The following NEB variants were observed in gnomAD, a reference collection of about 807,000 sequenced individuals.
NEB encodes the protein nemaline myopathy type 2.
Under a neutral mutation model 952.2 loss-of-function variants are expected in NEB, and 512 were observed. That is an observed-to-expected ratio of 0.54 (90% CI 0.50 to 0.58). NEB has a LOEUF of 0.58. NEB is among the 20% of genes least tolerant of loss of function. The probability of loss-of-function intolerance (pLI) is 0.00; values close to 1 mark genes in which losing one functional copy is unlikely to be tolerated. For missense variants in NEB, 8,428 were observed against 9,231.1 expected, an observed-to-expected ratio of 0.91 and a Z score of 3.56; for synonymous variants, 2,900 against 3,149.8, an observed-to-expected ratio of 0.92 and a Z score of 2.66.
chr2:151,728,256 T>C (rs1166157822), intron 4 of NEB, among the ~76,000 whole-genome samples: 1 of 152,204 alleles, frequency 6.6e-6, no homozygotes, highest in Non-Finnish European at 1.5e-5. Flanking sequence ...AATCTTAAGT[T>C]GCCTGGGTAA....
At position 151,566,726 on chromosome 2, in the gene NEB, A is replaced by G. The variant is rs1358679175; in HGVS notation, c.18156+442T>C. 2.6e-5 allele frequency among the ~76,000 whole-genome samples: 4 copies of G among 152,178 alleles called. No individual in the cohort carries two copies. The South Asian group carries it at 6.2e-4, about 24-fold the overall frequency. On this transcript the variant is annotated intron_variant, in intron 114 of 181. Coordinates refer to ENST00000397345, the MANE Select transcript of NEB (RefSeq NM_001164508.2). ...TTTGTTTCTCTTTTGCTTTGCGAAC[A>G]ACTTCATAAATGCCGTGAGGAATGA...
chr2:151,564,894 G>A (rs958138804), intron 117 of NEB, 150 bp downstream of exon 117: 6 of 513,812 alleles, frequency 1.2e-5, no homozygotes, highest in Middle Eastern at 1.0e-3. Context: ...GAATAACATG[G>A]TACTTCTAAT....
At chr2:151,491,140 C>G (rs1268532219) in intron 179 of NEB, 1 of 154,004 alleles carries the variant, frequency 6.5e-6, no homozygotes, top group African/African-American at 2.4e-5. Context: ...AAGCTATCCT[C>G]CCACTTCAGC....
intron 162 of NEB, among the ~76,000 whole-genome samples, chr2:151,507,547 C>T (rs1193823960): frequency 6.6e-6 from 1 of 152,216 alleles, no homozygotes; most frequent in Non-Finnish European, 1.5e-5. Flanking sequence ...AGAATCTGAA[C>T]AAACAGCCAT....
chr2:151,616,497 C>T lies in NEB; in HGVS notation c.11182-388G>A, dbSNP rs542721837. On this transcript the variant is annotated intron_variant, in intron 75 of 181. Transcript: ENST00000397345. ...TGAGGTCATGAGTTTGAGAAGAGAC[C>T]AGCCTGGCCAACATGGTGAAATCCC... 2.6e-5 allele frequency among the ~76,000 whole-genome samples: 4 copies of T among 152,200 alleles called. No homozygotes were observed. The East Asian group carries it at 7.7e-4, about 29-fold the overall frequency.
At chr2:151,532,002 C>T (rs190360492) in intron 143 of NEB, 106 bp from the exon 144 acceptor site, 5 of 659,736 alleles carry the variant, frequency 7.6e-6, no homozygotes, top group Admixed American at 2.9e-5. Flanking sequence ...ATCTAGCTTT[C>T]TCTTTAATTC....
Position 151,690,759 on chromosome 2 carries a change from GCAA to G in NEB, c.2275_2277del (p.Leu759del). 1 of 1,598,596 alleles carries G rather than the reference GCAA, an allele frequency of 6.3e-7. No homozygotes were observed. The highest frequency in any genetic ancestry group is 1.3e-5 in the African/African-American group (1 of 74,866). On this transcript the variant is annotated inframe_deletion, in exon 24 of 182. Coordinates refer to ENST00000397345, the MANE Select transcript of NEB (RefSeq NM_001164508.2). ...AGCTGTTTCGTGTTGAGCTGGGCTT[GCAA>G]CAGTACAGGAGAATCAGTGACTGCC...
chr2:151,494,014 C>A (rs771477598), intron 174 of NEB, 147 bp from the exon 175 acceptor site: 7 of 876,134 alleles, frequency 8.0e-6, no homozygotes, highest in South Asian at 1.6e-5. Flanking sequence ...TAGTTAATGG[C>A]TACAGTAAAT....
rs2084009382 is a variant in NEB at position 151,524,296 on chromosome 2, A to C, written c.22479+15T>G. On this transcript the variant is annotated intron_variant, in intron 153 of 181. Transcript: ENST00000397345. ...CTCCTCACATGAGAGCCACCAGTGC[A>C]CCCATCTGCATTACCTGGCTGCTCA... 1.2e-6 allele frequency: 2 copies of C among 1,604,158 alleles called. No homozygotes were observed. Among genetic ancestry groups the C allele is most frequent in the South Asian group, 2.2e-5 (2 of 90,878 alleles).
chr2:151,508,610 A>G (rs571243008), intron 161 of NEB, among the ~76,000 whole-genome samples: 91 of 152,340 alleles, frequency 6.0e-4, no homozygotes, highest in African/African-American at 2.0e-3. Flanking sequence ...GCTCCCAGCT[A>G]TAGGACTGAG....
chr2:151,554,231 A>T (rs959879649), intron 125 of NEB, among the ~76,000 whole-genome samples: 3 of 152,220 alleles, frequency 2.0e-5, no homozygotes, highest in East Asian at 1.9e-4. Flanking sequence ...TAGCTTCTTT[A>T]CATGTGCACA....
chr2:151,681,648 G>A (rs1341463149), intron 29 of NEB, among the ~76,000 whole-genome samples: 1 of 152,168 alleles, frequency 6.6e-6, no homozygotes, highest in Non-Finnish European at 1.5e-5. Context: ...GAGCGTGGAA[G>A]ACAACCCTCA....
chr2:151,694,964 C>A (rs1440583453), intron 18 of NEB, among the ~76,000 whole-genome samples: 3 of 152,164 alleles, frequency 2.0e-5, no homozygotes, highest in Non-Finnish European at 4.4e-5. Context: ...GCATCACTTT[C>A]ATTTGACCTT....
chr2:151,703,044 G>T (rs923557517), intron 13 of NEB, among the ~76,000 whole-genome samples: 3 of 151,490 alleles, frequency 2.0e-5, no homozygotes, highest in African/African-American at 4.9e-5. Context: ...AGCTCTTTTA[G>T]GGCAGGCCTG....
chr2:151,557,599 C>T (rs1248243858), intron 124 of NEB, among the ~76,000 whole-genome samples: 1 of 152,212 alleles, frequency 6.6e-6, no homozygotes, highest in African/African-American at 2.4e-5. Flanking sequence ...CCCTGATGAA[C>T]ATCGATGTGA....
intron 118 of NEB, 33 bp downstream of exon 118, chr2:151,563,790 C>T: frequency 1.2e-6 from 2 of 1,611,288 alleles, no homozygotes; most frequent in Non-Finnish European, 1.7e-6. Flanking sequence ...AGTAAAGACT[C>T]TCAAACTTAG....
chr2:151,507,359 G>A (rs1302750797), intron 162 of NEB, among the ~76,000 whole-genome samples: 1 of 152,184 alleles, frequency 6.6e-6, no homozygotes, highest in East Asian at 1.9e-4. Context: ...CCAAAATAAT[G>A]GCACCTTGGC....
chr2:151,496,282 A>G lies in NEB; in HGVS notation c.24480T>C (p.Ile8160=), dbSNP rs746456810. The change falls in exon 173 of 182, where the codon ATT becomes ATC. Residue 8160 remains isoleucine, a synonymous_variant. Coordinates refer to ENST00000397345, the MANE Select transcript of NEB (RefSeq NM_001164508.2). The part of the protein sequence containing the change: ...MERVKHNQEN[I]SSVLYKENVG... ...TTCTTTTCTCGCCAAGTACCGAGCT[A>G]ATATTTTCTTGATTGTGTTTGACTC... 4 of 1,607,424 alleles carry G rather than the reference A, an allele frequency of 2.5e-6. No individual in the cohort carries two copies. Among genetic ancestry groups the G allele is most frequent in the Non-Finnish European group, 1.7e-6 (2 of 1,175,370 alleles).
intron 62 of NEB, 113 bp downstream of exon 62, chr2:151,639,744 C>T: frequency 1.1e-6 from 1 of 877,542 alleles, no homozygotes; most frequent in Non-Finnish European, 1.7e-6. Flanking sequence ...GATACATAGA[C>T]AGATAGATAG....
Sources: gnomAD v4.1 joint callset for allele counts (sites outside exome capture counted in the v4.1 genomes callset) on GRCh38, gnomAD v4.1.1 for gene constraint, MANE v1.5 for transcripts, NCBI Gene and HGNC (gene_info 2026-07-23, HGNC 2026-07-21) for gene names.